NUP210: variants seen among roughly 807,000 people sequenced by gnomAD.
NUP210 encodes nucleoporin 210.
A neutral mutation model predicts 196.0 loss-of-function variants in NUP210; 151 were observed. The observed-to-expected ratio is 0.77, with a 90% CI of 0.67 to 0.88. NUP210 has a LOEUF of 0.88. Ranked by LOEUF, NUP210 falls within the 40% of genes least tolerant of loss-of-function variation. The pLI is 0.00. For missense variants in NUP210, 2,314 were observed against 2,493.7 expected (o/e 0.93, Z 1.53); for synonymous variants, 1,070 against 1,052.7 (o/e 1.02, Z -0.32).
chr3:13,392,491 A>C (rs1699522902), intron 3 of NUP210, among the ~76,000 whole-genome samples: 1 of 152,196 alleles, frequency 6.6e-6, no homozygotes, highest in Admixed American at 6.5e-5. Flanking sequence ...TTTCCTGAAA[A>C]TTAATCTGTC....
chr3:13,383,349 A>G (rs1699164118), intron 6 of NUP210, among the ~76,000 whole-genome samples: 1 of 152,010 alleles, frequency 6.6e-6, no homozygotes. Context: ...GATGAAAGGG[A>G]GGTGGGCCCT....
intron 28 of NUP210, among the ~76,000 whole-genome samples, chr3:13,332,957 G>A (rs1697059128): frequency 6.6e-6 from 1 of 152,192 alleles, no homozygotes; most frequent in Non-Finnish European, 1.5e-5. Flanking sequence ...TGGGCAAGGT[G>A]CCACCGAACT....
chr3:13,331,565 C>T (rs1169363222), intron 29 of NUP210, among the ~76,000 whole-genome samples: 1 of 152,186 alleles, frequency 6.6e-6, no homozygotes, highest in African/African-American at 2.4e-5. Context: ...AATACTACAC[C>T]TTGCTTTTTA....
intron 20 of NUP210, among the ~76,000 whole-genome samples, chr3:13,346,662 G>A (rs571763690): frequency 3.3e-5 from 5 of 152,308 alleles, no homozygotes; most frequent in African/African-American, 9.6e-5. Context: ...CTCGGTCCCC[G>A]CTTCCTGGAG....
intron 3 of NUP210, among the ~76,000 whole-genome samples, chr3:13,393,340 T>C (rs183118055): frequency 6.6e-6 from 1 of 152,310 alleles, no homozygotes; most frequent in East Asian, 1.9e-4. Flanking sequence ...GGGCTGCACG[T>C]GGAGCTCTGT....
intron 11 of NUP210, among the ~76,000 whole-genome samples, chr3:13,375,085 A>G (rs1698852797): frequency 6.6e-6 from 1 of 152,092 alleles, no homozygotes; most frequent in Non-Finnish European, 1.5e-5. Flanking sequence ...TTTTAGAAAA[A>G]TAAACATTAA....
At position 13,348,440 on chromosome 3, in the gene NUP210, G is replaced by C. The variant is rs768936356; in HGVS notation, c.2835+3439C>G. Reference sequence around the variant, plus strand: ...TAAATGTGAATGAGAGTGTGCCTCGGTTTCACTGGCACTGTACACATTTTT... The same window carrying C: ...TAAATGTGAATGAGAGTGTGCCTCGCTTTCACTGGCACTGTACACATTTTT... On this transcript the variant is annotated intron_variant, in intron 20 of 39. Coordinates refer to ENST00000254508, the MANE Select transcript of NUP210 (RefSeq NM_024923.4). The surrounding 1 kb of genome is among the most constrained non-coding windows in gnomAD (Gnocchi z 4.0). 4.1e-6 allele frequency: 4 copies of C among 985,040 alleles called. No individual in the cohort carries two copies. Among genetic ancestry groups the C allele is most frequent in the Non-Finnish European group, 4.8e-6 (4 of 829,920 alleles). The allele number at this position is 985,040 out of a possible 1,614,324, so 61.0% of individuals were successfully genotyped here.
intron 23 of NUP210, chr3:13,341,234 C>T (rs974748468): frequency 6.5e-6 from 1 of 153,982 alleles, no homozygotes; most frequent in African/African-American, 2.4e-5. Flanking sequence ...ATACCACACA[C>T]TGAGCTGGTG....
chr3:13,419,330 C>G (rs1700454807), intron 1 of NUP210, among the ~76,000 whole-genome samples: 1 of 152,216 alleles, frequency 6.6e-6, no homozygotes, highest in African/African-American at 2.4e-5. Context: ...AATGGAAGGG[C>G]TGGACTGCAC....
chr3:13,326,070 C>T, intron 32 of NUP210, 139 bp from the exon 33 acceptor site: 1 of 1,101,614 alleles, frequency 9.1e-7, no homozygotes. Context: ...CCTCAGGAGA[C>T]AGCCACGCTG....
chr3:13,345,098 G>A (rs1444258989), intron 20 of NUP210: 6 of 985,284 alleles, frequency 6.1e-6, no homozygotes, highest in East Asian at 2.3e-4. Context: ...AGCCTCCTAC[G>A]AGCACATCTT....
chr3:13,317,231 GA>G lies in NUP210; in HGVS notation c.*449del. The G allele has an allele frequency of 1.1e-5, 2 of 177,654 alleles. No homozygotes were observed. Among genetic ancestry groups the G allele is most frequent in the Non-Finnish European group, 1.2e-5 (1 of 83,244 alleles). The allele number at this position is 177,654 out of a possible 1,614,324, so 11.0% of individuals were successfully genotyped here. A position where few individuals can be genotyped will look rare whatever the true frequency, so the allele number is the denominator to read the frequency against. ...GGGGCAAAGTAAGTTTTCACAGGGG[GA>G]AAAACCCCACCAAAAACCCCCTAAA... On this transcript the variant is annotated 3_prime_UTR_variant, in exon 40 of 40. Coordinates refer to ENST00000254508, the MANE Select transcript of NUP210 (RefSeq NM_024923.4).
intron 3 of NUP210, 72 bp from the exon 4 acceptor site, chr3:13,391,379 G>T: frequency 2.1e-6 from 2 of 954,002 alleles, no homozygotes; most frequent in Non-Finnish European, 3.3e-6. Context: ...CGTGATGGGA[G>T]CTTCTGCCCC....
chr3:13,360,741 C>A (rs1427099960), intron 14 of NUP210, among the ~76,000 whole-genome samples: 1 of 152,172 alleles, frequency 6.6e-6, no homozygotes, highest in Non-Finnish European at 1.5e-5. Context: ...ATGGATTTGC[C>A]TCTTTCGTCA....
chr3:13,403,304 A>C (rs1372913329), intron 1 of NUP210, among the ~76,000 whole-genome samples: 1 of 152,154 alleles, frequency 6.6e-6, no homozygotes, highest in East Asian at 1.9e-4. Context: ...CTAGGTGTCT[A>C]GTGAGGGCCC....
In NUP210 at chr3:13,353,549, G is replaced by A. The variant is rs751606473; in HGVS notation, c.2628+5C>T. ...GCCCACCCACCACTGGGCCCTGGGA[G>A]ATACCGGCTGCTTTGTTCTGGCAGA... On this transcript the variant is annotated splice_donor_5th_base_variant and intron_variant, in intron 18 of 39. Transcript: ENST00000254508. 10 of 1,612,344 alleles carry A rather than the reference G, an allele frequency of 6.2e-6. No individual in the cohort carries two copies. In the East Asian group the frequency reaches 1.1e-4, roughly 18 times the overall value.
At chr3:13,352,005 G>A in intron 19 of NUP210, 25 bp from the exon 20 acceptor site, 2 of 1,607,932 alleles carry the variant, frequency 1.2e-6, no homozygotes, top group South Asian at 2.2e-5. Context: ...TGCAGGGAGG[G>A]TTGGGCCGCA....
chr3:13,403,943 C>A (rs1006785341), intron 1 of NUP210, among the ~76,000 whole-genome samples: 1 of 152,192 alleles, frequency 6.6e-6, no homozygotes, highest in Admixed American at 6.5e-5. Flanking sequence ...GACCGGGCCA[C>A]GTCTGGCCTC....
chr3:13,356,113 C>T (rs1472077426), intron 16 of NUP210, among the ~76,000 whole-genome samples: 1 of 152,216 alleles, frequency 6.6e-6, no homozygotes, highest in Non-Finnish European at 1.5e-5. Flanking sequence ...CAGTCCCATG[C>T]AACTGGTGCC....
Sources: gnomAD v4.1 joint callset for allele counts (sites outside exome capture counted in the v4.1 genomes callset) on GRCh38, gnomAD v4.1.1 for gene constraint, Gnocchi (gnomAD v3.1) non-coding constraint, MANE v1.5 for transcripts, NCBI Gene and HGNC (gene_info 2026-07-23, HGNC 2026-07-21) for gene names.